The following GPT2 variants were observed in gnomAD, a reference collection of about 807,000 sequenced individuals.
GPT2 encodes glutamic--pyruvic transaminase 2.
GPT2 carries 30 observed loss-of-function variants against 56.9 expected under a neutral mutation model. That is an observed-to-expected ratio of 0.53 (90% confidence interval 0.39 to 0.72). The LOEUF is 0.72. Ranked by LOEUF, GPT2 falls within the 30% of genes least tolerant of loss-of-function variation. The pLI, the probability that GPT2 is intolerant of heterozygous loss-of-function variation, is 0.00. For missense variants in GPT2, 542 were observed against 703.4 expected (o/e 0.77, Z 2.60); for synonymous variants, 271 against 283.1 (o/e 0.96, Z 0.43).
At chr16:46,911,619 G>A (rs768781951) in intron 6 of GPT2, among the ~76,000 whole-genome samples, 13 of 152,154 alleles carry the variant, frequency 8.5e-5, no homozygotes, top group Non-Finnish European at 1.5e-4. Context: ...CTGAGATATC[G>A]GTAGCCTGTG....
chr16:46,902,232 G>C (rs537170039), intron 4 of GPT2, among the ~76,000 whole-genome samples: 1 of 152,320 alleles, frequency 6.6e-6, no homozygotes, highest in East Asian at 1.9e-4. Flanking sequence ...TACAGCAAAA[G>C]ACCAGTTGGC....
At chr16:46,924,580 A>G in intron 10 of GPT2, 36 bp downstream of exon 10, 2 of 1,608,180 alleles carry the variant, frequency 1.2e-6, no homozygotes, top group Non-Finnish European at 1.7e-6. Flanking sequence ...CTCTCTTACC[A>G]GGTTCACCTG....
chr16:46,899,404 C>T (rs1037902338), intron 3 of GPT2, among the ~76,000 whole-genome samples: 1 of 152,128 alleles, frequency 6.6e-6, no homozygotes, highest in East Asian at 1.9e-4. Context: ...AACACCAGTT[C>T]CCTGTTCCCT....
chr16:46,913,768 A>G (rs145402689), intron 6 of GPT2, among the ~76,000 whole-genome samples: 19 of 152,300 alleles, frequency 1.2e-4, no homozygotes, highest in Admixed American at 4.6e-4. Flanking sequence ...GTATATATAT[A>G]TGTACACACA....
chr16:46,896,283 T>C (rs1158638265), intron 2 of GPT2, among the ~76,000 whole-genome samples: 7 of 152,204 alleles, frequency 4.6e-5, no homozygotes, highest in Admixed American at 3.3e-4. Context: ...TAATTCTCTA[T>C]GTCAAGCTCT....
rs1465873911 is a variant in GPT2 at position 46,900,793 on chromosome 16, G to A, written c.442+3G>A. ...GGCTTGTGGCGGGAACAGCCTGGGT[G>A]AGGCCCCAACTTGCCAGGCCCCTAG... is the stretch of plus-strand genomic sequence containing the variant. On this transcript the variant is annotated splice_donor_region_variant and intron_variant, in intron 4 of 11. Transcript: ENST00000340124. The A allele has an allele frequency of 1.2e-6, 2 of 1,613,220 alleles. No homozygotes were observed. The highest frequency in any genetic ancestry group is 8.5e-7 in the Non-Finnish European group (1 of 1,179,390).
In GPT2 at chr16:46,885,475, C is replaced by T. The variant is rs181090358; in HGVS notation, c.243+517C>T. The T allele has an allele frequency of 1.7e-4, 166 of 985,406 alleles. No homozygotes were observed. In the African/African-American group the frequency reaches 2.7e-3, roughly 16 times the overall value. 61.0% of individuals were successfully genotyped at this position (985,406 alleles called of 1,614,324 possible). Reference sequence around the variant, plus strand: ...GTGTCTTTGGCCTTTAGGGTCTTTGCCAATCCTGATTCCCGGAAGAGAGTC... The same window carrying T: ...GTGTCTTTGGCCTTTAGGGTCTTTGTCAATCCTGATTCCCGGAAGAGAGTC... On this transcript the variant is annotated intron_variant, in intron 2 of 11. Coordinates refer to ENST00000340124, the MANE Select transcript of GPT2 (RefSeq NM_133443.4).
intron 2 of GPT2, 97 bp downstream of exon 2, chr16:46,885,055 A>G: frequency 2.9e-6 from 4 of 1,364,006 alleles, no homozygotes; most frequent in East Asian, 6.0e-5. Flanking sequence ...GTCCACCCCC[A>G]TGGCCAGCTC....
intron 3 of GPT2, among the ~76,000 whole-genome samples, chr16:46,898,939 T>C (rs867473828): frequency 1.1e-5 from 1 of 90,864 alleles, no homozygotes; most frequent in Non-Finnish European, 2.2e-5. Flanking sequence ...TGTATATATA[T>C]ACACACACAT....
rs951375213 is a variant in GPT2, at chr16:46,924,059, G to T, written c.1213-330G>T. The T allele has an allele frequency of 1.6e-5, 6 of 385,724 alleles. No homozygotes were observed. The East Asian group carries it at 3.3e-4, about 21-fold the overall frequency. The allele number at this position is 385,724 out of a possible 1,614,324, so 23.9% of individuals were successfully genotyped here. ...GTGGCAGCCTCCCAGGGTGAGCGCT[G>T]TGGAAGAATTTGTGCCGGGAGATGT... On this transcript the variant is annotated intron_variant, in intron 9 of 11. Coordinates refer to ENST00000340124, the MANE Select transcript of GPT2 (RefSeq NM_133443.4).
intron 2 of GPT2, among the ~76,000 whole-genome samples, chr16:46,886,590 G>A (rs979120071): frequency 1.3e-5 from 2 of 152,180 alleles, no homozygotes; most frequent in African/African-American, 4.8e-5. Flanking sequence ...GTGAGCAACC[G>A]CAGGAAGTTG....
At chr16:46,914,049 C>G (rs996446423) in intron 6 of GPT2, among the ~76,000 whole-genome samples, 13 of 152,290 alleles carry the variant, frequency 8.5e-5, no homozygotes, top group African/African-American at 3.1e-4. Context: ...GTTAGCAAGC[C>G]TGATTATAGT....
chr16:46,905,186 AGCTGG>A (rs1333742529), intron 4 of GPT2, among the ~76,000 whole-genome samples: 7 of 151,838 alleles, frequency 4.6e-5, no homozygotes, highest in Non-Finnish European at 1.5e-5. Context: ...TCTCCTGAGT[AGCTGG>A]GATTACAGGC....
At chr16:46,910,202 G>A (rs922827722) in intron 6 of GPT2, among the ~76,000 whole-genome samples, 3 of 151,984 alleles carry the variant, frequency 2.0e-5, no homozygotes, top group Non-Finnish European at 4.4e-5. Context: ...CCAACATGGC[G>A]AAACCCTGTC....
chr16:46,920,877 C>T (rs1961274467), intron 8 of GPT2, among the ~76,000 whole-genome samples: 1 of 152,118 alleles, frequency 6.6e-6, no homozygotes, highest in South Asian at 2.1e-4. Context: ...TCCATTGCCC[C>T]ATCTCAGTTA....
chr16:46,907,579 A>AGCTGG (rs1212022651), intron 5 of GPT2, among the ~76,000 whole-genome samples: 1 of 152,132 alleles, frequency 6.6e-6, no homozygotes, highest in African/African-American at 2.4e-5. Context: ...AGAGGCCTAG[A>AGCTGG]GCTGGCAGGA....
intron 3 of GPT2, among the ~76,000 whole-genome samples, chr16:46,899,056 G>C (rs2143407524): frequency 7.0e-6 from 1 of 143,008 alleles, no homozygotes; most frequent in Non-Finnish European, 1.5e-5. Context: ...TTTAGAGACA[G>C]AGTCTTGCTC....
At chr16:46,894,995 G>C (rs751481753) in intron 2 of GPT2, among the ~76,000 whole-genome samples, 19 of 152,068 alleles carry the variant, frequency 1.2e-4, no homozygotes, top group Non-Finnish European at 2.4e-4. Flanking sequence ...ATGTTGGCCA[G>C]ACACTGAAGA....
chr16:46,898,919 C>T (rs1391905373), intron 3 of GPT2, among the ~76,000 whole-genome samples: 1 of 141,088 alleles, frequency 7.1e-6, no homozygotes, highest in Non-Finnish European at 1.5e-5. Flanking sequence ...TATACACACA[C>T]ATATATATGT....
Sources: allele counts gnomAD v4.1 joint callset (sites outside exome capture counted in the v4.1 genomes callset), GRCh38; gene constraint gnomAD v4.1.1; transcripts MANE v1.5; gene names NCBI Gene and HGNC (gene_info 2026-07-23, HGNC 2026-07-21).